The following FAM216A variants were observed in gnomAD, a reference collection of about 807,000 sequenced individuals.
FAM216A encodes the protein protein FAM216A.
A neutral mutation model predicts 37.6 loss-of-function variants in FAM216A; 26 were observed. That is an observed-to-expected ratio of 0.69 (90% CI 0.51 to 0.96). The LOEUF is 0.96. Ranked by LOEUF, FAM216A falls within the 40% of genes least tolerant of loss-of-function variation. The probability of loss-of-function intolerance (pLI) is 0.00; values close to 1 mark genes in which losing one functional copy is unlikely to be tolerated. For missense variants in FAM216A, 326 were observed against 339.3 expected (o/e 0.96, Z 0.31); for synonymous variants, 110 against 121.7 (o/e 0.90, Z 0.64).
intron 2 of FAM216A, among the ~76,000 whole-genome samples, chr12:110,476,323 C>A (rs557992325): frequency 6.6e-6 from 1 of 151,884 alleles, no homozygotes; most frequent in East Asian, 1.9e-4. Context: ...CCTCAGCCTC[C>A]CGGGTAGCTG....
chr12:110,481,593 C>A (rs2062747335), intron 2 of FAM216A, among the ~76,000 whole-genome samples: 1 of 151,508 alleles, frequency 6.6e-6, no homozygotes, highest in African/African-American at 2.4e-5. Context: ...CGACTCCCAA[C>A]CTCAGGTGAT....
chr12:110,482,231 G>A (rs984838408), intron 2 of FAM216A, among the ~76,000 whole-genome samples: 2 of 151,872 alleles, frequency 1.3e-5, no homozygotes, highest in East Asian at 1.9e-4. Context: ...ACAGGTGTAC[G>A]CCACCACACC....
chr12:110,487,599 C>A, intron 5 of FAM216A: 1 of 355,456 alleles, frequency 2.8e-6, no homozygotes, highest in Non-Finnish European at 5.1e-6. Flanking sequence ...CAAATACTTT[C>A]AAAAGGAGAA....
rs767016466 is a variant in FAM216A, at chr12:110,486,627, A to G, written c.530A>G (p.Glu177Gly). ...ACATGGCGACATCAACTGGAGAGAG[A>G]GGACTCGGGGTCTTCTGATATCGCA... ...CTTWRHQLER[E>G]DSGSSDIAAA... The change falls in exon 5 of 7, where the codon GAG (glutamate) becomes GGG (glycine). Residue 177 changes from glutamate to glycine, a missense_variant. Glu to Gly is a moderately conservative substitution (Grantham distance 98, BLOSUM62 -2). Coordinates refer to ENST00000377673, the MANE Select transcript of FAM216A (RefSeq NM_013300.3). 1.2e-6 allele frequency: 2 copies of G among 1,614,190 alleles called. No homozygotes were observed. Among genetic ancestry groups the G allele is most frequent in the Admixed American group, 1.7e-5 (1 of 60,010 alleles).
At chr12:110,474,673 C>A (rs1264251125) in intron 2 of FAM216A, among the ~76,000 whole-genome samples, 3 of 112,330 alleles carry the variant, frequency 2.7e-5, no homozygotes, top group African/African-American at 1.1e-4. Flanking sequence ...GCCTGGGCGA[C>A]AGAGCGAGAC....
chr12:110,479,666 G>A (rs377367517), intron 2 of FAM216A, among the ~76,000 whole-genome samples: 2 of 151,748 alleles, frequency 1.3e-5, no homozygotes, highest in South Asian at 2.1e-4. Context: ...ATGAAACCCC[G>A]TCTCTACTAA....
At chr12:110,471,158 G>A (rs904354849) in intron 1 of FAM216A, among the ~76,000 whole-genome samples, 1 of 151,868 alleles carries the variant, frequency 6.6e-6, no homozygotes, top group Non-Finnish European at 1.5e-5. Context: ...GCAGTGGTGT[G>A]ATCTTGGCTC....
chr12:110,479,782 G>A (rs1163724021), intron 2 of FAM216A, among the ~76,000 whole-genome samples: 3 of 151,484 alleles, frequency 2.0e-5, no homozygotes, highest in African/African-American at 7.3e-5. Flanking sequence ...AGGTTGCAGT[G>A]AGCAGAGATC....
chr12:110,477,345 C>A (rs2062719832), intron 2 of FAM216A, among the ~76,000 whole-genome samples: 2 of 152,126 alleles, frequency 1.3e-5, no homozygotes, highest in South Asian at 4.1e-4. Flanking sequence ...ATCATCCATT[C>A]TTTTATTTAT....
At chr12:110,472,302 A>G (rs565898801) in intron 1 of FAM216A, among the ~76,000 whole-genome samples, 1 of 152,306 alleles carries the variant, frequency 6.6e-6, no homozygotes, top group African/African-American at 2.4e-5. Flanking sequence ...AAATAAAGAC[A>G]GCAAGATAAT....
intron 6 of FAM216A, among the ~76,000 whole-genome samples, chr12:110,488,367 C>T (rs566064471): frequency 1.0e-4 from 15 of 147,316 alleles, no homozygotes; most frequent in African/African-American, 3.5e-4. Flanking sequence ...GCTGAGATTG[C>T]GCCACTGTAC....
chr12:110,484,263 T>A (rs934085422), intron 2 of FAM216A, among the ~76,000 whole-genome samples: 34 of 151,374 alleles, frequency 2.2e-4, no homozygotes, highest in Non-Finnish European at 7.4e-5. Flanking sequence ...CCATCTCTAC[T>A]AAAAATACAA....
chr12:110,485,301 C>G, intron 3 of FAM216A, 102 bp downstream of exon 3: 2 of 972,140 alleles, frequency 2.1e-6, no homozygotes, highest in Non-Finnish European at 3.1e-6. Flanking sequence ...CTGCAGATGA[C>G]AAGGCATATG....
chr12:110,487,157 C>T (rs2062781973), intron 5 of FAM216A: 1 of 153,200 alleles, frequency 6.5e-6, no homozygotes. Flanking sequence ...TTTTTGAGAC[C>T]GAGTTTCGCT....
chr12:110,489,361 G>A (rs759829059), intron 6 of FAM216A, among the ~76,000 whole-genome samples: 17 of 151,874 alleles, frequency 1.1e-4, no homozygotes, highest in Admixed American at 2.0e-4. Context: ...AAAATCAGCC[G>A]GGCGTGGTGG....
chr12:110,475,290 G>A (rs919214771), intron 2 of FAM216A, among the ~76,000 whole-genome samples: 5 of 152,218 alleles, frequency 3.3e-5, no homozygotes, highest in Non-Finnish European at 7.3e-5. Flanking sequence ...CGCCCAGGCT[G>A]GAGTGCAGTG....
At chr12:110,487,982 C>A (rs1222985208) in intron 6 of FAM216A, 39 bp downstream of exon 6, 4 of 1,189,186 alleles carry the variant, frequency 3.4e-6, no homozygotes, top group South Asian at 1.3e-5. Context: ...TTTTTAAGAT[C>A]TTATGCTTAA....
intron 2 of FAM216A, among the ~76,000 whole-genome samples, chr12:110,474,351 G>A (rs1242213414): frequency 6.6e-6 from 1 of 151,960 alleles, no homozygotes; most frequent in Non-Finnish European, 1.5e-5. Flanking sequence ...ACAAATATAT[G>A]CCTAGTAAAA....
At chr12:110,482,964 T>C (rs1565852829) in intron 2 of FAM216A, among the ~76,000 whole-genome samples, 2 of 151,910 alleles carry the variant, frequency 1.3e-5, no homozygotes, top group African/African-American at 2.4e-5. Context: ...TCTATGGTAA[T>C]AGAAAGCACA....
Sources: gnomAD v4.1 joint callset for allele counts (sites outside exome capture counted in the v4.1 genomes callset) on GRCh38, gnomAD v4.1.1 for gene constraint, MANE v1.5 for transcripts, NCBI Gene and HGNC (gene_info 2026-07-23, HGNC 2026-07-21) for gene names.